The following RIMS1 variants were observed in gnomAD, a reference collection of about 807,000 sequenced individuals.
The protein encoded by RIMS1 is regulating synaptic membrane exocytosis protein 1.
A neutral mutation model predicts 214.1 loss-of-function variants in RIMS1; 83 were observed. The observed-to-expected ratio is 0.39, with a 90% confidence interval of 0.32 to 0.47. RIMS1 has a LOEUF of 0.47. Among genes scored for constraint, RIMS1 ranks in the 20% least tolerant of loss-of-function variants. The pLI is 0.99. For missense variants in RIMS1, 2,050 were observed against 2,161.8 expected (o/e 0.95, Z 1.03); for synonymous variants, 793 against 786.8 (o/e 1.01, Z -0.13).
At chr6:72,021,769 C>A (rs148111065) in intron 2 of RIMS1, among the ~76,000 whole-genome samples, 34 of 152,246 alleles carry the variant, frequency 2.2e-4, no homozygotes, top group African/African-American at 7.9e-4. Context: ...TTGTGGCTTT[C>A]ATTCCCAAGT....
chr6:71,896,135 T>C (rs1177562134), intron 1 of RIMS1, among the ~76,000 whole-genome samples: 3 of 152,216 alleles, frequency 2.0e-5, no homozygotes, highest in Non-Finnish European at 2.9e-5. Flanking sequence ...ATTTTAGATA[T>C]TGAAATTTTA....
intron 28 of RIMS1, among the ~76,000 whole-genome samples, chr6:72,325,111 ATACTC>A (rs2096389497): frequency 6.6e-6 from 1 of 151,894 alleles, no homozygotes; most frequent in Non-Finnish European, 1.5e-5. Context: ...TAAAGAATAA[ATACTC>A]TTATCTTCCA....
chr6:71,905,791 A>C (rs546028157), intron 1 of RIMS1, among the ~76,000 whole-genome samples: 28 of 152,084 alleles, frequency 1.8e-4, no homozygotes, highest in Non-Finnish European at 1.9e-4. Context: ...GCAACAGGGC[A>C]GGCTCCAGGT....
chr6:72,265,937 TG>T, intron 21 of RIMS1, 22 bp from the exon 22 acceptor site: 1 of 1,510,554 alleles, frequency 6.6e-7, no homozygotes, highest in Non-Finnish European at 9.0e-7. Context: ...CTTCTACCAC[TG>T]GATGCAATGC....
chr6:72,093,228 AAAAACATGTG>A (rs1836808590), intron 2 of RIMS1, among the ~76,000 whole-genome samples: 202 of 136,098 alleles, frequency 1.5e-3, no homozygotes, highest in Middle Eastern at 3.9e-3. Flanking sequence ...ATATATATAT[AAAAACATGTG>A]TGTATATATG....
intron 6 of RIMS1, among the ~76,000 whole-genome samples, chr6:72,206,348 A>G (rs970696584): frequency 1.3e-5 from 2 of 152,196 alleles, no homozygotes; most frequent in Non-Finnish European, 2.9e-5. Context: ...AGACTTTAGC[A>G]TGCTTTCACT....
intron 2 of RIMS1, among the ~76,000 whole-genome samples, chr6:72,059,687 T>C (rs17569784): frequency 0.12 from 17,588 of 152,276 alleles, 1,194 homozygotes; most frequent in South Asian, 0.18. Context: ...TATGCTAAAA[T>C]CATTCTAATG....
chr6:72,393,462 C>T (rs1268118532), intron 31 of RIMS1, among the ~76,000 whole-genome samples: 6 of 152,158 alleles, frequency 3.9e-5, no homozygotes, highest in African/African-American at 1.4e-4. Context: ...CTGTGGCTCA[C>T]GCCTGTAATC....
chr6:71,896,438 C>T (rs997462471), intron 1 of RIMS1, among the ~76,000 whole-genome samples: 4 of 152,078 alleles, frequency 2.6e-5, no homozygotes, highest in African/African-American at 7.2e-5. Context: ...AAAGCCTAAG[C>T]TTTAACAGTC....
chr6:71,887,246 C>T lies in RIMS1; in HGVS notation c.164+59C>T, dbSNP rs1767998503. On this transcript the variant is annotated intron_variant, in intron 1 of 33. Transcript: ENST00000521978. Reference sequence around the variant, plus strand: ...CGTGCCTCCATCCGTCCATTCACCACTCACTCCCCTAGTCCTCGCGGCTGA... The same window carrying T: ...CGTGCCTCCATCCGTCCATTCACCATTCACTCCCCTAGTCCTCGCGGCTGA... 8 of 1,552,856 alleles carry T rather than the reference C, an allele frequency of 5.2e-6. No homozygotes were observed. The East Asian group carries it at 7.2e-5, about 14-fold the overall frequency.
intron 2 of RIMS1, among the ~76,000 whole-genome samples, chr6:72,090,956 A>G (rs1836061564): frequency 6.6e-6 from 1 of 152,142 alleles, no homozygotes; most frequent in Non-Finnish European, 1.5e-5. Flanking sequence ...CCATGCCACT[A>G]ACTTCATAAG....
chr6:72,069,290 C>G (rs1351508151), intron 2 of RIMS1, among the ~76,000 whole-genome samples: 1 of 152,186 alleles, frequency 6.6e-6, no homozygotes, highest in Non-Finnish European at 1.5e-5. Flanking sequence ...AGAATAGCAG[C>G]AGCTTCTGTT....
intron 2 of RIMS1, among the ~76,000 whole-genome samples, chr6:71,993,041 C>G (rs980406370): frequency 1.3e-5 from 2 of 152,172 alleles, no homozygotes; most frequent in Admixed American, 6.5e-5. Context: ...AAGTGCACTT[C>G]AATCAGGTTC....
chr6:72,197,249 G>T (rs187573605), intron 6 of RIMS1, among the ~76,000 whole-genome samples: 1 of 152,134 alleles, frequency 6.6e-6, no homozygotes, highest in East Asian at 1.9e-4. Context: ...AATGATCTAC[G>T]TGGAAACACT....
Position 72,401,657 on chromosome 6 carries a change from A to T in RIMS1, c.*943A>T, listed in dbSNP as rs570886001. The T allele has an allele frequency of 2.6e-5, 4 of 152,744 alleles. No homozygotes were observed. The East Asian group carries it at 7.7e-4, about 29-fold the overall frequency. The allele number at this position is 152,744 out of a possible 1,614,324, so 9.5% of individuals were successfully genotyped here. On this transcript the variant is annotated 3_prime_UTR_variant, in exon 34 of 34. Transcript: ENST00000521978. ...TCTTCCTGATATTAAAAAAATGCTC[A>T]TGTGTATAAACCATACTTTGACTTC...
chr6:72,045,178 G>A (rs375688864), intron 2 of RIMS1, among the ~76,000 whole-genome samples: 1 of 151,842 alleles, frequency 6.6e-6, no homozygotes, highest in Non-Finnish European at 1.5e-5. Context: ...ACAGTGACTC[G>A]GGGAGAGAGT....
chr6:71,940,139 G>T (rs1386371640), intron 1 of RIMS1, among the ~76,000 whole-genome samples: 3 of 152,180 alleles, frequency 2.0e-5, no homozygotes, highest in African/African-American at 7.2e-5. Flanking sequence ...AGGAATTACA[G>T]TGGTGTTTGG....
intron 2 of RIMS1, among the ~76,000 whole-genome samples, chr6:72,016,808 G>A (rs1812912344): frequency 6.6e-6 from 1 of 152,122 alleles, no homozygotes; most frequent in South Asian, 2.1e-4. Context: ...AGTAGATGAT[G>A]ATATGATGTA....
intron 29 of RIMS1, among the ~76,000 whole-genome samples, chr6:72,354,161 A>G (rs1256629159): frequency 6.6e-6 from 1 of 152,196 alleles, no homozygotes; most frequent in Non-Finnish European, 1.5e-5. Flanking sequence ...CAGAGGTTGC[A>G]GTGTGCTGAC....
Sources: allele counts gnomAD v4.1 joint callset (sites outside exome capture counted in the v4.1 genomes callset), GRCh38; gene constraint gnomAD v4.1.1; transcripts MANE v1.5; gene names NCBI Gene and HGNC (gene_info 2026-07-23, HGNC 2026-07-21).